Variants in BLVRB observed in about 807,000 individuals in gnomAD.
BLVRB encodes flavin reductase (NADPH).
A neutral mutation model predicts 21.1 loss-of-function variants in BLVRB; 25 were observed. The ratio of observed to expected loss-of-function variants is 1.19; its 90% confidence interval spans 0.86 to 1.66. BLVRB has a LOEUF of 1.66. Ranked by LOEUF, BLVRB falls within the 40% of genes most tolerant of loss-of-function variation. The pLI is 0.00. For synonymous variants in BLVRB, 128 were observed against 122.2 expected, an observed-to-expected ratio of 1.05 and a Z score of -0.31; for missense variants, 274 against 282.7, an observed-to-expected ratio of 0.97 and a Z score of 0.22.
In BLVRB at chr19:40,465,660, C is replaced by T. The variant is rs1289022484; in HGVS notation, c.29G>A (p.Gly10Asp). The T allele has an allele frequency of 1.2e-6, 2 of 1,612,824 alleles. No homozygotes were observed. The highest frequency in any genetic ancestry group is 1.7e-6 in the Non-Finnish European group (2 of 1,179,794). Residue 10 changes from glycine to aspartate, a missense_variant, in exon 1 of 5, where the codon GGC becomes GAC. By Grantham distance (94) the Gly-to-Asp change is moderately conservative (BLOSUM62 -1). Transcript: ENST00000263368. The stretch of plus-strand genomic sequence containing the variant: ...GGTGAGCCCGGTCTGGCCAGTGGCG[C>T]CGAAGATCGCGATCTTCTTGACGGC... MAVKKIAIF[G>D]ATGQTGLTTL... is the part of the protein sequence containing the mutation.
rs745392254 is a variant in BLVRB, at chr19:40,465,621, G to A, written c.68C>T (p.Ala23Val). The A allele has an allele frequency of 6.8e-6, 11 of 1,612,044 alleles. No individual in the cohort carries two copies. The African/African-American group carries it at 1.5e-4, about 22-fold the overall frequency. Residue 23 changes from alanine to valine, a missense_variant, in exon 1 of 5, where the codon GCG (alanine) becomes GTG (valine). Coordinates refer to ENST00000263368, the MANE Select transcript of BLVRB (RefSeq NM_000713.3). The stretch of plus-strand genomic sequence containing the variant: ...GCCCCGGCTCATGCCTGCTTGCACC[G>A]CCTGCGCCAGGGTGGTGAGCCCGGT... The part of the protein sequence containing the change: ...GQTGLTTLAQ[A>V]VQAGYEVTVL...
intron 1 of BLVRB, among the ~76,000 whole-genome samples, chr19:40,464,320 C>T (rs556821187): frequency 1.3e-5 from 2 of 152,040 alleles, no homozygotes; most frequent in Non-Finnish European, 2.9e-5. Context: ...TCTCAAACTC[C>T]TGGCCTCAAG....
intron 3 of BLVRB, among the ~76,000 whole-genome samples, chr19:40,455,015 G>A (rs1278193682): frequency 2.6e-5 from 3 of 117,398 alleles, no homozygotes; most frequent in African/African-American, 1.4e-4. Flanking sequence ...CTAATTTTTT[G>A]TATTTTTTTT....
chr19:40,453,950 A>G (rs895428896), intron 3 of BLVRB, among the ~76,000 whole-genome samples: 2 of 152,308 alleles, frequency 1.3e-5, no homozygotes, highest in South Asian at 2.1e-4. Flanking sequence ...GCACCGCTGC[A>G]CTCCAGCCTG....
intron 4 of BLVRB, among the ~76,000 whole-genome samples, chr19:40,449,974 C>T (rs897265999): frequency 1.9e-4 from 28 of 151,190 alleles, no homozygotes; most frequent in African/African-American, 6.8e-4. Flanking sequence ...CCAAGGTGGG[C>T]AGATCACGAG....
At chr19:40,449,395 G>A (rs2079729074) in intron 4 of BLVRB, among the ~76,000 whole-genome samples, 2 of 151,960 alleles carry the variant, frequency 1.3e-5, no homozygotes, top group Non-Finnish European at 1.5e-5. Context: ...ACAGGTGTCC[G>A]CCACCACACC....
At chr19:40,451,319 A>G (rs2079738526) in intron 4 of BLVRB, 45 bp downstream of exon 4, 2 of 1,577,524 alleles carry the variant, frequency 1.3e-6, no homozygotes, top group Non-Finnish European at 1.7e-6. Context: ...GGCAGGAGGG[A>G]ACAGGCAGAT....
chr19:40,451,439 C>T lies in BLVRB; in HGVS notation c.388G>A (p.Asp130Asn), dbSNP rs757253601. 1 of 1,613,162 alleles carries T rather than the reference C, an allele frequency of 6.2e-7. No individual in the cohort carries two copies. The highest frequency in any genetic ancestry group is 8.5e-7 in the Non-Finnish European group (1 of 1,179,666). Residue 130 changes from aspartate (D) to asparagine (N), a missense_variant, in exon 4 of 5, where the codon GAT (aspartate) becomes AAT (asparagine). By Grantham distance (23) the Asp-to-Asn change is conservative (BLOSUM62 1). Coordinates refer to ENST00000263368, the MANE Select transcript of BLVRB (RefSeq NM_000713.3). ...ACCTTGTGCATCCGGATGTGGTCAT[C>T]AGTCACAGCCTGCAGTCGTGGGGGC... ...KVPPRLQAVT[D>N]DHIRMHKVLR...
At chr19:40,463,582 C>T (rs1436151640) in intron 1 of BLVRB, among the ~76,000 whole-genome samples, 2 of 143,318 alleles carry the variant, frequency 1.4e-5, no homozygotes, top group African/African-American at 2.6e-5. Flanking sequence ...TTCCCTCCCT[C>T]CCTCCCTCCA....
At chr19:40,462,446 T>C (rs2079791869) in intron 1 of BLVRB, among the ~76,000 whole-genome samples, 1 of 151,444 alleles carries the variant, frequency 6.6e-6, no homozygotes, top group Admixed American at 6.6e-5. Context: ...ACCCGGCGAA[T>C]TTTTTGTATT....
chr19:40,451,333 A>AT, intron 4 of BLVRB, 31 bp downstream of exon 4: 1 of 1,585,718 alleles, frequency 6.3e-7, no homozygotes, highest in Non-Finnish European at 8.6e-7. Context: ...GGCAGATGGC[A>AT]TTGGTGCCAC....
At chr19:40,462,799 A>G (rs2079793907) in intron 1 of BLVRB, among the ~76,000 whole-genome samples, 3 of 147,164 alleles carry the variant, frequency 2.0e-5, no homozygotes, top group African/African-American at 5.0e-5. Context: ...AGGCTGAAGC[A>G]GGAGAATGGC....
In BLVRB at chr19:40,448,063, A is replaced by G. The variant is rs139022515; in HGVS notation, c.464-17T>C. On this transcript the variant is annotated splice_polypyrimidine_tract_variant and intron_variant, in intron 4 of 4. Coordinates refer to ENST00000263368, the MANE Select transcript of BLVRB (RefSeq NM_000713.3). ...GCTGGTCTCCTATGAAGTAAAGACA[A>G]GAGGGGCTGGATAAAGCAGACACCT... is the stretch of plus-strand genomic sequence containing the variant. The G allele has an allele frequency of 4.6e-4, 740 of 1,606,228 alleles. 4 individuals carry two copies. The African/African-American group carries it at 4.9e-3, about 11-fold the overall frequency.
At chr19:40,457,895 C>T in intron 3 of BLVRB, 1 of 458,256 alleles carries the variant, frequency 2.2e-6, no homozygotes. Context: ...GCCTCCCGAT[C>T]CCAGCTCCGA....
chr19:40,461,873 C>T (rs1013031512), intron 1 of BLVRB, among the ~76,000 whole-genome samples: 5 of 152,128 alleles, frequency 3.3e-5, no homozygotes, highest in African/African-American at 4.8e-5. Context: ...CGTGCTGTGC[C>T]CTCTGCCTGG....
intron 3 of BLVRB, among the ~76,000 whole-genome samples, chr19:40,455,697 C>T (rs2079759439): frequency 6.6e-6 from 1 of 152,036 alleles, no homozygotes. Flanking sequence ...GACTCTGTCT[C>T]AAATAAAAAC....
intron 3 of BLVRB, among the ~76,000 whole-genome samples, chr19:40,456,210 C>T (rs1223772941): frequency 6.6e-6 from 1 of 151,936 alleles, no homozygotes; most frequent in African/African-American, 2.4e-5. Context: ...GAACAGAGGA[C>T]GGTAGGTGTA....
chr19:40,458,183 A>G lies in BLVRB; in HGVS notation c.306T>C (p.Gly102=), dbSNP rs1307778479. The change falls in exon 3 of 5, where the codon GGT becomes GGC. Residue 102 remains glycine (G), a synonymous_variant. Transcript: ENST00000263368. ...AGGTGCAGGCCACGACCTTGTCCAC[A>G]CCATGAGCCTTCATGGCTGCCACAA... ...RNIVAAMKAH[G]VDKVVACTSA... 8.7e-6 allele frequency: 14 copies of G among 1,613,896 alleles called. No homozygotes were observed. In the Admixed American group the frequency reaches 1.5e-4, roughly 17 times the overall value.
intron 1 of BLVRB, among the ~76,000 whole-genome samples, chr19:40,460,610 A>C (rs1458375715): frequency 6.8e-6 from 1 of 147,998 alleles, no homozygotes; most frequent in African/African-American, 2.6e-5. Context: ...AAAATAAATA[A>C]ATAAATTAAA....
Sources: gnomAD v4.1 joint callset for allele counts (sites outside exome capture counted in the v4.1 genomes callset) on GRCh38, gnomAD v4.1.1 for gene constraint, MANE v1.5 for transcripts, NCBI Gene and HGNC (gene_info 2026-07-23, HGNC 2026-07-21) for gene names.